Variants in RAPH1 observed in about 807,000 individuals in gnomAD.
RAPH1 encodes the protein Ras association (RalGDS/AF-6) and pleckstrin homology domains 1, also known as ras-associated and pleckstrin homology domains-containing protein 1.
Under a neutral mutation model 88.1 loss-of-function variants are expected in RAPH1, and 18 were observed. The ratio of observed to expected loss-of-function variants is 0.20; its 90% CI spans 0.14 to 0.30. The LOEUF is 0.30. Ranked by LOEUF, RAPH1 falls within the 10% of genes least tolerant of loss-of-function variation. The pLI is 1.00. For synonymous variants in RAPH1, 587 were observed against 559.0 expected (o/e 1.05, Z -0.71); for missense variants, 1,448 against 1,543.2 (o/e 0.94, Z 1.03).
intron 4 of RAPH1, among the ~76,000 whole-genome samples, chr2:203,483,267 A>C (rs1160046305): frequency 6.6e-6 from 1 of 152,228 alleles, no homozygotes; most frequent in African/African-American, 2.4e-5. Flanking sequence ...ATGCAGAAAG[A>C]CCAGAAGGAA....
At position 203,440,223 on chromosome 2, in the gene RAPH1, G is replaced by A. The variant is rs763510799; in HGVS notation, c.2967C>T (p.His989=). Residue 989 remains histidine, a synonymous_variant, in exon 14 of 14, where the codon CAC becomes CAT. Transcript: ENST00000319170. The part of the protein sequence containing the change: ...SSIKSSSGAE[H]PEPKRPSVDS... Reference sequence around the variant, plus strand: ...CCACCGAGGGTCTCTTGGGCTCGGGGTGCTCTGCACCACTGCTGGATTTAA... The same window carrying A: ...CCACCGAGGGTCTCTTGGGCTCGGGATGCTCTGCACCACTGCTGGATTTAA... 4 of 1,614,022 alleles carry A rather than the reference G, an allele frequency of 2.5e-6. No individual in the cohort carries two copies. The East Asian group carries it at 6.7e-5, about 27-fold the overall frequency.
chr2:203,461,902 T>A lies in RAPH1; in HGVS notation c.756A>T (p.Lys252Asn). Reference protein sequence around the residue: ...ITEEEQAAKLKAEKIRVALEK... With the variant: ...ITEEEQAAKLNAEKIRVALEK... ...CTAGGGCAACTCTGATCTTCTCAGC[T>A]TTCAATTTTGCTGCCTGTTCTTCCT... is the stretch of plus-strand genomic sequence containing the variant. The change falls in exon 5 of 14, where the codon AAA becomes AAT. Residue 252 changes from lysine to asparagine, a missense_variant. Physicochemically the swap from Lys to Asn is moderately conservative, Grantham distance 94. Around this residue, in one of 2 missense-constraint regions of RAPH1, gnomAD observed 513 missense variants for 653.1 expected, o/e 0.79. Coordinates refer to ENST00000319170, the MANE Select transcript of RAPH1 (RefSeq NM_213589.3). The A allele has an allele frequency of 1.2e-6, 2 of 1,610,050 alleles. No individual in the cohort carries two copies. Among genetic ancestry groups the A allele is most frequent in the Non-Finnish European group, 1.7e-6 (2 of 1,178,026 alleles).
chr2:203,462,479 C>G (rs1473869476), intron 4 of RAPH1, among the ~76,000 whole-genome samples: 1 of 152,080 alleles, frequency 6.6e-6, no homozygotes, highest in Non-Finnish European at 1.5e-5. Flanking sequence ...ATTAGTATAC[C>G]AATACAAATA....
chr2:203,485,776 A>T (rs886806568), intron 4 of RAPH1, among the ~76,000 whole-genome samples: 2 of 152,174 alleles, frequency 1.3e-5, no homozygotes, highest in African/African-American at 4.8e-5. Flanking sequence ...TCACAACTGA[A>T]GAAGGTAAAT....
chr2:203,518,376 G>A (rs113582734), intron 1 of RAPH1, among the ~76,000 whole-genome samples: 1 of 152,100 alleles, frequency 6.6e-6, no homozygotes, highest in Non-Finnish European at 1.5e-5. Flanking sequence ...AAATTAGCCA[G>A]GTGTGGTGGC....
At chr2:203,508,928 T>C (rs1416101784) in intron 1 of RAPH1, among the ~76,000 whole-genome samples, 1 of 152,154 alleles carries the variant, frequency 6.6e-6, no homozygotes, top group Non-Finnish European at 1.5e-5. Context: ...TGTATGCATA[T>C]GCTCCCTTTC....
rs1276884515 is a variant in RAPH1 at position 203,438,554 on chromosome 2, A to G, written c.*883T>C. ...TAACTGTGTTATCCATCCTCTTAAA[A>G]TCAATCAAAGTGAGGATCATGAAGC... On this transcript the variant is annotated 3_prime_UTR_variant, in exon 14 of 14. Coordinates refer to ENST00000319170, the MANE Select transcript of RAPH1 (RefSeq NM_213589.3). 5.8e-6 allele frequency: 1 copy of G among 171,244 alleles called. No individual in the cohort carries two copies. The highest frequency in any genetic ancestry group is 1.2e-5 in the Non-Finnish European group (1 of 80,614). 10.6% of individuals were successfully genotyped at this position (171,244 alleles called of 1,614,324 possible). A position where few individuals can be genotyped will look rare whatever the true frequency, so the allele number is the denominator to read the frequency against.
intron 2 of RAPH1, 31 bp downstream of exon 2, chr2:203,495,203 A>G: frequency 6.2e-7 from 1 of 1,612,946 alleles, no homozygotes; most frequent in Non-Finnish European, 8.5e-7. Flanking sequence ...GTGACTTCAA[A>G]TCCTCAACCA....
At chr2:203,522,796 G>A (rs1160537257) in intron 1 of RAPH1, among the ~76,000 whole-genome samples, 1 of 151,466 alleles carries the variant, frequency 6.6e-6, no homozygotes, top group African/African-American at 2.4e-5. Context: ...CAGCTACTCG[G>A]GAGGCTGAGG....
intron 1 of RAPH1, among the ~76,000 whole-genome samples, chr2:203,533,649 C>A (rs1319764082): frequency 6.6e-6 from 1 of 152,094 alleles, no homozygotes; most frequent in Non-Finnish European, 1.5e-5. Context: ...GAATTAATCT[C>A]TCTTCTTCGC....
chr2:203,462,458 G>A (rs933474596), intron 4 of RAPH1, among the ~76,000 whole-genome samples: 1 of 152,020 alleles, frequency 6.6e-6, no homozygotes, highest in Non-Finnish European at 1.5e-5. Flanking sequence ...TAAAAATGTA[G>A]GTACAATCTC....
At chr2:203,526,354 C>T (rs1035474723) in intron 1 of RAPH1, among the ~76,000 whole-genome samples, 39 of 152,150 alleles carry the variant, frequency 2.6e-4, no homozygotes, top group Non-Finnish European at 1.0e-4. Context: ...CTACTTTCTT[C>T]CACAAACATT....
chr2:203,495,110 G>A (rs1391698235), intron 2 of RAPH1, 124 bp downstream of exon 2: 15 of 1,020,146 alleles, frequency 1.5e-5, no homozygotes, highest in African/African-American at 6.4e-5. Context: ...TCAATACTTC[G>A]AACATTTCTT....
Position 203,448,910 on chromosome 2 carries a change from A to C in RAPH1, c.1414-74T>G. The C allele has an allele frequency of 2.1e-6, 2 of 935,938 alleles. No homozygotes were observed. The highest frequency in any genetic ancestry group is 3.3e-6 in the Non-Finnish European group (2 of 606,448). The allele number at this position is 935,938 out of a possible 1,614,324, so 58.0% of individuals were successfully genotyped here. ...AAAAACAAACTTTATCAAAGCTTAA[A>C]CATATCCTGACAAGTTATAGGCCAT... is the stretch of plus-strand genomic sequence containing the variant. On this transcript the variant is annotated intron_variant, in intron 10 of 13. Coordinates refer to ENST00000319170, the MANE Select transcript of RAPH1 (RefSeq NM_213589.3). The surrounding 1 kb of genome is among the most constrained non-coding windows in gnomAD (Gnocchi z 4.1).
rs2098496509 is a variant in RAPH1, at chr2:203,434,304, A to G, written c.*5133T>C. On this transcript the variant is annotated 3_prime_UTR_variant, in exon 14 of 14. Coordinates refer to ENST00000319170, the MANE Select transcript of RAPH1 (RefSeq NM_213589.3). ...TTCTACATTGTATCTACCTATGGCA[A>G]AGCTCCCACAGCCTACAAGTTGGTG... is the stretch of plus-strand genomic sequence containing the variant. 6.6e-6 allele frequency: 1 copy of G among 152,536 alleles called. No individual in the cohort carries two copies. Among genetic ancestry groups the G allele is most frequent in the African/African-American group, 2.4e-5 (1 of 41,414 alleles). 9.4% of individuals were successfully genotyped at this position (152,536 alleles called of 1,614,324 possible).
At chr2:203,510,429 C>G (rs1249107866) in intron 1 of RAPH1, among the ~76,000 whole-genome samples, 1 of 151,018 alleles carries the variant, frequency 6.6e-6, no homozygotes, top group Non-Finnish European at 1.5e-5. Context: ...AGGTAGGGAC[C>G]ATTCATAAAG....
chr2:203,498,579 CA>C (rs1688612790), intron 1 of RAPH1, among the ~76,000 whole-genome samples: 1 of 152,174 alleles, frequency 6.6e-6, no homozygotes, highest in South Asian at 2.1e-4. Context: ...TTTCAAACAA[CA>C]CCTCCGATTT....
chr2:203,458,787 C>T (rs1456428750), intron 7 of RAPH1, among the ~76,000 whole-genome samples: 2 of 150,706 alleles, frequency 1.3e-5, no homozygotes, highest in East Asian at 1.9e-4. Flanking sequence ...TTTTTGGAGA[C>T]GGAGTCTCAC....
rs201174767 is a variant in RAPH1 at position 203,507,291 on chromosome 2, C to CA, written c.1-11939dup. Among the ~76,000 whole-genome samples the CA allele has an allele frequency of 2.1e-3, 320 of 149,956 alleles. 1 individual carries two copies. The highest frequency in any genetic ancestry group is 5.2e-3 in the Admixed American group (79 of 15,048). On this transcript the variant is annotated intron_variant, in intron 1 of 13. Coordinates refer to ENST00000319170, the MANE Select transcript of RAPH1 (RefSeq NM_213589.3). ...CAACTACTTAATGTAGATGAAATGA[C>CA]AAAAAAAAATCACCATTTTGCAACC...
Sources: allele counts gnomAD v4.1 joint callset (sites outside exome capture counted in the v4.1 genomes callset), GRCh38; gene constraint gnomAD v4.1.1; regional missense constraint gnomAD v4.1.1; non-coding constraint Gnocchi (gnomAD v3.1); transcripts MANE v1.5; gene names NCBI Gene and HGNC (gene_info 2026-07-23, HGNC 2026-07-21).